The following PTPN21 variants were observed in gnomAD, a reference collection of about 807,000 sequenced individuals.
PTPN21 encodes tyrosine-protein phosphatase non-receptor type 21.
Under a neutral mutation model 131.8 loss-of-function variants are expected in PTPN21, and 77 were observed. The ratio of observed to expected loss-of-function variants is 0.58; its 90% CI spans 0.49 to 0.71. The LOEUF (loss-of-function observed/expected upper bound fraction) is 0.71, where lower values mean the gene tolerates loss of function less well. Ranked by LOEUF, PTPN21 falls within the 30% of genes least tolerant of loss-of-function variation. The probability of loss-of-function intolerance (pLI) is 0.00; values close to 1 mark genes in which losing one functional copy is unlikely to be tolerated. For synonymous variants in PTPN21, 715 were observed against 621.3 expected (o/e 1.15, Z -2.24); for missense variants, 1,552 against 1,527.1 (o/e 1.02, Z -0.27).
At chr14:88,491,725 G>C (rs560728343) in intron 10 of PTPN21, among the ~76,000 whole-genome samples, 1 of 152,300 alleles carries the variant, frequency 6.6e-6, no homozygotes, top group South Asian at 2.1e-4. Flanking sequence ...TGAATCATAA[G>C]TAATTACATA....
intron 1 of PTPN21, among the ~76,000 whole-genome samples, chr14:88,552,794 A>G (rs1443145765): frequency 6.6e-6 from 1 of 152,240 alleles, no homozygotes; most frequent in Admixed American, 6.5e-5. Flanking sequence ...AAGTAAAGCA[A>G]GATGGAAAAA....
chr14:88,484,970 G>A, intron 12 of PTPN21, 106 bp downstream of exon 12: 2 of 830,134 alleles, frequency 2.4e-6, no homozygotes, highest in South Asian at 2.9e-5. Flanking sequence ...TGCAATTTGG[G>A]GTGCAACTTC....
chr14:88,502,535 T>C (rs893039958), intron 6 of PTPN21, among the ~76,000 whole-genome samples: 1 of 152,206 alleles, frequency 6.6e-6, no homozygotes, highest in Non-Finnish European at 1.5e-5. Flanking sequence ...GGGCTGGGAA[T>C]GCACTCTTAG....
At chr14:88,554,501 T>A (rs1201008161) in intron 1 of PTPN21, 150 bp downstream of exon 1, 2 of 152,114 alleles carry the variant, frequency 1.3e-5, no homozygotes, top group Non-Finnish European at 2.9e-5. Flanking sequence ...CTTTTCTCTT[T>A]GTTACGCTCC....
chr14:88,514,911 G>A (rs2078243716), intron 3 of PTPN21: 1 of 152,132 alleles, frequency 6.6e-6, no homozygotes, highest in Middle Eastern at 3.2e-3. Context: ...ACTATAAAAT[G>A]AGGAACATAC....
chr14:88,545,710 C>A (rs2078766661), intron 2 of PTPN21, among the ~76,000 whole-genome samples: 1 of 152,286 alleles, frequency 6.6e-6, no homozygotes. Context: ...CGCCTGTAAT[C>A]CCAGCACTTT....
At chr14:88,515,035 C>A (rs2078246029) in intron 3 of PTPN21, 1 of 152,260 alleles carries the variant, frequency 6.6e-6, no homozygotes, top group Non-Finnish European at 1.5e-5. Context: ...AGACAGAACT[C>A]TGGATATCTT....
intron 13 of PTPN21, chr14:88,474,004 TAA>T (rs965276075): frequency 1.6e-5 from 8 of 489,568 alleles, no homozygotes; most frequent in Non-Finnish European, 2.8e-5. Context: ...AAAGCCCTGA[TAA>T]AGTCTTCCAG....
intron 13 of PTPN21, 92 bp from the exon 14 acceptor site, chr14:88,473,894 G>A: frequency 8.8e-7 from 1 of 1,136,086 alleles, no homozygotes; most frequent in Non-Finnish European, 1.2e-6. Flanking sequence ...GGAACACACA[G>A]AGGGAGTGTT....
At position 88,522,795 on chromosome 14, in the gene PTPN21, A is replaced by G. The variant is rs74595038; in HGVS notation, c.181-5534T>C. The stretch of plus-strand genomic sequence containing the variant: ...ATCCTGGATTGAATGCTCTCTTAGA[A>G]TTTCTACACATACATAATCAAGTCA... On this transcript the variant is annotated intron_variant, in intron 2 of 18. Coordinates refer to ENST00000556564, the MANE Select transcript of PTPN21 (RefSeq NM_007039.4). 7.0e-3 allele frequency among the ~76,000 whole-genome samples: 1,066 copies of G among 152,304 alleles called. 9 individuals carry two copies. Among genetic ancestry groups the G allele is most frequent in the African/African-American group, 0.023 (943 of 41,554 alleles).
chr14:88,484,547 G>T (rs1007341768), intron 12 of PTPN21, among the ~76,000 whole-genome samples: 3 of 152,072 alleles, frequency 2.0e-5, no homozygotes, highest in Non-Finnish European at 4.4e-5. Flanking sequence ...ATAGGGTGGT[G>T]GTAAAAGGAC....
intron 2 of PTPN21, among the ~76,000 whole-genome samples, chr14:88,525,558 T>G (rs1566844093): frequency 6.6e-6 from 1 of 152,108 alleles, no homozygotes; most frequent in African/African-American, 2.4e-5. Context: ...AAATAGGAAG[T>G]AAACATTGGT....
chr14:88,469,721 C>A lies in PTPN21; in HGVS notation c.3013G>T (p.Glu1005Ter). Residue 1005 changes from glutamate to a stop codon, truncating the protein, a stop_gained, in exon 17 of 19, where the codon GAG becomes TAG. Coordinates refer to ENST00000556564, the MANE Select transcript of PTPN21 (RefSeq NM_007039.4). LOFTEE classifies it high-confidence loss of function. The surrounding 1 kb of genome is among the most constrained non-coding windows in gnomAD (Gnocchi z 4.3). The part of the protein sequence containing the change: ...MVTAEEEGGR[E>*]KSFRYWPRLG... Reference sequence around the variant, plus strand: ...CGTGGCCAGTACCTAAAGCTCTTCTCCCTTCCACCCTCCTGTTAAAGATGA... The same window carrying A: ...CGTGGCCAGTACCTAAAGCTCTTCTACCTTCCACCCTCCTGTTAAAGATGA... 1 of 1,614,140 alleles carries A rather than the reference C, an allele frequency of 6.2e-7. No homozygotes were observed. Among genetic ancestry groups the A allele is most frequent in the South Asian group, 1.1e-5 (1 of 91,064 alleles).
chr14:88,493,186 C>T (rs1430756847), intron 10 of PTPN21: 6 of 421,516 alleles, frequency 1.4e-5, no homozygotes, highest in Non-Finnish European at 2.4e-5. Context: ...AATAAAAGCT[C>T]TCAGTATAAT....
rs766190926 is a variant in PTPN21 at position 88,550,284 on chromosome 14, C to G, written c.134G>C (p.Gly45Ala). Residue 45 changes from glycine to alanine, a missense_variant, in exon 2 of 19, where the codon GGC (glycine) becomes GCC (alanine). Gly to Ala is a moderately conservative substitution (Grantham distance 60). Around this residue, in one of 4 missense-constraint regions of PTPN21, gnomAD observed 206 missense variants for 221.6 expected, o/e 0.93. Transcript: ENST00000556564. ...VEFTLSVESTGQESLEAVAQR... is the reference protein window; with the variant it reads ...VEFTLSVESTAQESLEAVAQR... ...GGCCACGGCCTCGAGGCTTTCCTGGCCAGTGCTCTCCACGGACAGGGTGAA... is the reference window on the plus strand; with the variant it reads ...GGCCACGGCCTCGAGGCTTTCCTGGGCAGTGCTCTCCACGGACAGGGTGAA... 2 of 1,614,166 alleles carry G rather than the reference C, an allele frequency of 1.2e-6. No homozygotes were observed. The highest frequency in any genetic ancestry group is 1.7e-6 in the Non-Finnish European group (2 of 1,180,016).
Position 88,480,018 on chromosome 14 carries a change from C to T in PTPN21, c.1413G>A (p.Ser471=). ...GLVHAERQSH[S]LRNLNIGSSY... ...AGCTGCCGATGTTGAGGTTTCGCAG[C>T]GAGTGGCTCTGCCGTTCCGCATGCA... The change falls in exon 13 of 19, where the codon TCG becomes TCA. Residue 471 remains serine (S), a synonymous_variant. Coordinates refer to ENST00000556564, the MANE Select transcript of PTPN21 (RefSeq NM_007039.4). 1 of 1,613,504 alleles carries T rather than the reference C, an allele frequency of 6.2e-7. No individual in the cohort carries two copies. Among genetic ancestry groups the T allele is most frequent in the African/African-American group, 1.3e-5 (1 of 75,048 alleles).
chr14:88,479,385 T>A lies in PTPN21; in HGVS notation c.2046A>T (p.Thr682=). ...CCGCCTCCTCCGGCCCTTCTCGCTG[T>A]GTCCTCTCGGTGAAAACGCTGGGCT... ...GSQPSVFTER[T]QREGPEEAEG... The change falls in exon 13 of 19, where the codon ACA becomes ACT. Residue 682 remains threonine, a synonymous_variant. Transcript: ENST00000556564. 1.2e-6 allele frequency: 2 copies of A among 1,607,478 alleles called. No individual in the cohort carries two copies. The highest frequency in any genetic ancestry group is 1.7e-6 in the Non-Finnish European group (2 of 1,179,472).
At chr14:88,554,262 C>T (rs1052182038) in intron 1 of PTPN21, among the ~76,000 whole-genome samples, 1 of 152,150 alleles carries the variant, frequency 6.6e-6, no homozygotes, top group African/African-American at 2.4e-5. Flanking sequence ...TACTCTACTC[C>T]AAAAACAAAC....
rs1049537815 is a variant in PTPN21, at chr14:88,501,305, A to G, written c.651T>C (p.Tyr217=). The G allele has an allele frequency of 3.1e-6, 5 of 1,613,848 alleles. No individual in the cohort carries two copies. The highest frequency in any genetic ancestry group is 4.2e-6 in the Non-Finnish European group (5 of 1,179,856). Reference sequence around the variant, plus strand: ...CCTTAGCAGGGTAGCTCTCTTCTCCATAGCCATCCATTCTCTCTACCTCCT... The same window carrying G: ...CCTTAGCAGGGTAGCTCTCTTCTCCGTAGCCATCCATTCTCTCTACCTCCT... The part of the protein sequence containing the change: ...YMQEVERMDG[Y]GEESYPAKDS... The change falls in exon 7 of 19, where the codon TAT becomes TAC. Residue 217 remains tyrosine (Y), a synonymous_variant. Coordinates refer to ENST00000556564, the MANE Select transcript of PTPN21 (RefSeq NM_007039.4).
Sources: allele counts gnomAD v4.1 joint callset (sites outside exome capture counted in the v4.1 genomes callset), GRCh38; gene constraint gnomAD v4.1.1; regional missense constraint gnomAD v4.1.1; non-coding constraint Gnocchi (gnomAD v3.1); transcripts MANE v1.5; gene names NCBI Gene and HGNC (gene_info 2026-07-23, HGNC 2026-07-21).